DGKB: variants seen among roughly 807,000 people sequenced by gnomAD.
DGKB encodes the protein diacylglycerol kinase beta.
A neutral mutation model predicts 114.3 loss-of-function variants in DGKB; 67 were observed. The ratio of observed to expected loss-of-function variants is 0.59; its 90% CI spans 0.48 to 0.72. The LOEUF is 0.72. DGKB is among the 30% of genes least tolerant of loss of function. The probability of loss-of-function intolerance (pLI) is 0.00; values close to 1 mark genes in which losing one functional copy is unlikely to be tolerated. For missense variants in DGKB, 907 were observed against 975.2 expected, an observed-to-expected ratio of 0.93 and a Z score of 0.93; for synonymous variants, 398 against 323.1, an observed-to-expected ratio of 1.23 and a Z score of -2.49.
intron 2 of DGKB, among the ~76,000 whole-genome samples, chr7:14,793,774 G>C (rs1357402617): frequency 1.3e-5 from 2 of 152,032 alleles, no homozygotes; most frequent in Non-Finnish European, 2.9e-5. Context: ...GGAATACCCA[G>C]ATTAAGCGTT....
chr7:14,261,093 T>C (rs988314023), intron 23 of DGKB, among the ~76,000 whole-genome samples: 1 of 152,120 alleles, frequency 6.6e-6, no homozygotes, highest in Non-Finnish European at 1.5e-5. Context: ...CATAAAAAAA[T>C]TAATTGGGCA....
chr7:14,903,887 AG>A (rs1783492534), upstream of DGKB, among the ~76,000 whole-genome samples: 1 of 152,154 alleles, frequency 6.6e-6, no homozygotes, highest in South Asian at 2.1e-4. Flanking sequence ...ATCTTGACAT[AG>A]AAGTCCCGTG....
chr7:14,685,213 A>G (rs1185601951), intron 10 of DGKB, 32 bp downstream of exon 10: 1 of 1,404,310 alleles, frequency 7.1e-7, no homozygotes, highest in Non-Finnish European at 1.0e-6. Context: ...TCACTTGAGG[A>G]GATGATGTCC....
At chr7:14,420,530 A>AT (rs1178657193) in intron 21 of DGKB, among the ~76,000 whole-genome samples, 1 of 151,924 alleles carries the variant, frequency 6.6e-6, no homozygotes, top group African/African-American at 2.4e-5. Flanking sequence ...TTCAGAATCT[A>AT]TTTTTTCTCT....
intron 13 of DGKB, among the ~76,000 whole-genome samples, chr7:14,669,804 G>C (rs1205184720): frequency 6.6e-6 from 1 of 152,034 alleles, no homozygotes; most frequent in African/African-American, 2.4e-5. Context: ...TAATCAAGCT[G>C]AAATTTTAAG....
intron 20 of DGKB, among the ~76,000 whole-genome samples, chr7:14,513,006 G>A (rs543811267): frequency 1.3e-5 from 2 of 152,164 alleles, no homozygotes; most frequent in African/African-American, 4.8e-5. Flanking sequence ...CAGATACAAA[G>A]AAGATATGGC....
At chr7:14,868,534 C>T (rs1284025627) in intron 1 of DGKB, among the ~76,000 whole-genome samples, 2 of 151,966 alleles carry the variant, frequency 1.3e-5, no homozygotes, top group African/African-American at 4.8e-5. Context: ...TGGGGTTTCA[C>T]CATGTTGGCT....
At chr7:14,301,140 A>T (rs1803472643) in intron 23 of DGKB, among the ~76,000 whole-genome samples, 2 of 152,118 alleles carry the variant, frequency 1.3e-5, no homozygotes, top group African/African-American at 4.8e-5. Flanking sequence ...GCAGTCTTTG[A>T]TATTTTATGG....
intron 23 of DGKB, among the ~76,000 whole-genome samples, chr7:14,306,816 C>T (rs1321784141): frequency 6.6e-6 from 1 of 152,150 alleles, no homozygotes; most frequent in Non-Finnish European, 1.5e-5. Context: ...CAATAATTAG[C>T]TAATTTCATT....
Position 14,478,151 on chromosome 7 carries a change from G to A in DGKB, c.1835+10C>T, listed in dbSNP as rs1277863969. The A allele has an allele frequency of 6.3e-7, 1 of 1,579,740 alleles. No individual in the cohort carries two copies. The highest frequency in any genetic ancestry group is 8.7e-7 in the Non-Finnish European group (1 of 1,156,038). On this transcript the variant is annotated intron_variant, in intron 21 of 25. Transcript: ENST00000402815. The stretch of plus-strand genomic sequence containing the variant: ...CTATATCTATAATTTCATCTCTTTT[G>A]TCACCTTACCTACTGTTGAATTTCT...
intron 9 of DGKB, among the ~76,000 whole-genome samples, chr7:14,686,823 A>G (rs1007132881): frequency 5.9e-5 from 9 of 152,050 alleles, no homozygotes; most frequent in African/African-American, 2.2e-4. Context: ...CATGTTTTGC[A>G]AACAGAAGCA....
intron 23 of DGKB, among the ~76,000 whole-genome samples, chr7:14,306,813 T>C (rs1348160268): frequency 6.6e-6 from 1 of 152,162 alleles, no homozygotes; most frequent in Admixed American, 6.6e-5. Flanking sequence ...GGCCAATAAT[T>C]AGCTAATTTC....
intron 20 of DGKB, among the ~76,000 whole-genome samples, chr7:14,551,109 T>A (rs1276137239): frequency 6.6e-6 from 1 of 152,180 alleles, no homozygotes; most frequent in Non-Finnish European, 1.5e-5. Context: ...AATTAAGTAG[T>A]CATATTTTTC....
chr7:14,551,693 C>A lies in DGKB; in HGVS notation c.1770+22519G>T, dbSNP rs961500564. On this transcript the variant is annotated intron_variant, in intron 20 of 25. Transcript: ENST00000402815. ...TAATACAAGAGCTTTTCAGACTTGG[C>A]CTCAGAGACATAAGAGGTGGGGAAG... is the stretch of plus-strand genomic sequence containing the variant. Among the ~76,000 whole-genome samples, 7 of 152,132 alleles carry A rather than the reference C, an allele frequency of 4.6e-5. No individual in the cohort carries two copies. In the South Asian group the frequency reaches 1.0e-3, roughly 23 times the overall value.
At chr7:14,185,781 T>C (rs1296364013) in intron 23 of DGKB, among the ~76,000 whole-genome samples, 1 of 152,186 alleles carries the variant, frequency 6.6e-6, no homozygotes, top group Non-Finnish European at 1.5e-5. Context: ...GACACCCTTT[T>C]TAACAAATGG....
At chr7:14,567,330 ATATATT>A (rs1797635476) in intron 20 of DGKB, among the ~76,000 whole-genome samples, 1 of 30,906 alleles carries the variant, frequency 3.2e-5, no homozygotes, top group South Asian at 1.0e-3. Flanking sequence ...TATATATATT[ATATATT>A]TATATATTAT....
Position 14,826,842 on chromosome 7 carries a change from T to A in DGKB, c.70+14352A>T, listed in dbSNP as rs374617337. Among the ~76,000 whole-genome samples, 12 of 152,282 alleles carry A rather than the reference T, an allele frequency of 7.9e-5. No homozygotes were observed. In the East Asian group the frequency reaches 2.1e-3, roughly 27 times the overall value. On this transcript the variant is annotated intron_variant, in intron 2 of 25. Transcript: ENST00000402815. Reference sequence around the variant, plus strand: ...ATAAGCTCTTTATAAGTGTTAGATATTATATTTGCCATCTAAGATATGCTC... The same window carrying A: ...ATAAGCTCTTTATAAGTGTTAGATAATATATTTGCCATCTAAGATATGCTC...
intron 25 of DGKB, among the ~76,000 whole-genome samples, chr7:14,157,613 A>T (rs1409963005): frequency 6.6e-6 from 1 of 152,198 alleles, no homozygotes; most frequent in Non-Finnish European, 1.5e-5. Context: ...GCCACATTGC[A>T]TGGGAAATAT....
At chr7:14,400,438 C>G (rs1333526999) in intron 21 of DGKB, among the ~76,000 whole-genome samples, 2 of 151,718 alleles carry the variant, frequency 1.3e-5, no homozygotes, top group African/African-American at 4.8e-5. Flanking sequence ...ACAGAAAGCA[C>G]CATATTCTCC....
Sources: gnomAD v4.1 joint callset for allele counts (sites outside exome capture counted in the v4.1 genomes callset) on GRCh38, gnomAD v4.1.1 for gene constraint, MANE v1.5 for transcripts, NCBI Gene and HGNC (gene_info 2026-07-23, HGNC 2026-07-21) for gene names.